The following GPR141 variants were observed in gnomAD, a reference collection of about 807,000 sequenced individuals.
GPR141 encodes the protein probable G protein-coupled receptor 141.
A neutral mutation model predicts 6.8 loss-of-function variants in GPR141; 6 were observed. That is an observed-to-expected ratio of 0.88 (90% CI 0.48 to 1.74). The LOEUF (loss-of-function observed/expected upper bound fraction) is 1.74, where lower values mean the gene tolerates loss of function less well. Among genes scored for constraint, GPR141 ranks in the 40% most tolerant of loss-of-function variants. The probability of loss-of-function intolerance (pLI) is 0.01; values close to 1 mark genes in which losing one functional copy is unlikely to be tolerated. For synonymous variants in GPR141, 140 were observed against 142.3 expected, an observed-to-expected ratio of 0.98 and a Z score of 0.11; for missense variants, 372 against 372.9, an observed-to-expected ratio of 1.00 and a Z score of 0.02.
At chr7:37,729,665 G>A (rs1811820197) in intron 2 of GPR141, among the ~76,000 whole-genome samples, 1 of 152,218 alleles carries the variant, frequency 6.6e-6, no homozygotes, top group African/African-American at 2.4e-5. Flanking sequence ...AGCTGAGAAT[G>A]TCCCGGGGGC....
intron 2 of GPR141, among the ~76,000 whole-genome samples, chr7:37,717,159 C>G (rs1811088629): frequency 6.6e-6 from 1 of 152,192 alleles, no homozygotes; most frequent in African/African-American, 2.4e-5. Flanking sequence ...TGAAAATTTG[C>G]TTCATTTCCT....
At chr7:37,714,697 A>G (rs1446845727) in intron 2 of GPR141, among the ~76,000 whole-genome samples, 1 of 152,210 alleles carries the variant, frequency 6.6e-6, no homozygotes, top group Non-Finnish European at 1.5e-5. Flanking sequence ...TTTCCAATGA[A>G]TATGTTTTAC....
At position 37,743,558 on chromosome 7, in the gene GPR141, A is replaced by T. The variant is rs952196187; in HGVS notation, c.*2247A>T. On this transcript the variant is annotated 3_prime_UTR_variant, in exon 3 of 3. Transcript: ENST00000334425. ...ATAATACCTATAAATATGTAAAAAA[A>T]ATTTAGAAAAATATTTAAATTAAAA... 2.6e-5 allele frequency among the ~76,000 whole-genome samples: 4 copies of T among 151,932 alleles called. No individual in the cohort carries two copies. Among genetic ancestry groups the T allele is most frequent in the Non-Finnish European group, 5.9e-5 (4 of 67,964 alleles).
intron 2 of GPR141, among the ~76,000 whole-genome samples, chr7:37,734,576 A>G (rs897679380): frequency 6.6e-6 from 1 of 152,228 alleles, no homozygotes; most frequent in African/African-American, 2.4e-5. Context: ...ACCAGCACCC[A>G]TTAACCCAAG....
chr7:37,706,444 A>T (rs1319297000), intron 2 of GPR141, among the ~76,000 whole-genome samples: 1 of 152,198 alleles, frequency 6.6e-6, no homozygotes, highest in Non-Finnish European at 1.5e-5. Flanking sequence ...TTCAAGAAGA[A>T]GGCTTGAGGT....
At chr7:37,707,170 A>G (rs1810565273) in intron 2 of GPR141, among the ~76,000 whole-genome samples, 1 of 152,186 alleles carries the variant, frequency 6.6e-6, no homozygotes, top group Non-Finnish European at 1.5e-5. Flanking sequence ...CGTCTACATA[A>G]TAATAGAATG....
intron 2 of GPR141, among the ~76,000 whole-genome samples, chr7:37,686,968 G>A (rs1404185713): frequency 2.6e-5 from 4 of 152,092 alleles, no homozygotes; most frequent in African/African-American, 7.2e-5. Flanking sequence ...TGAGCCCCTC[G>A]TGTCCTGAGA....
intron 2 of GPR141, among the ~76,000 whole-genome samples, chr7:37,723,712 T>A (rs1811470638): frequency 2.0e-5 from 3 of 152,214 alleles, no homozygotes; most frequent in Non-Finnish European, 4.4e-5. Flanking sequence ...GACATGTTTC[T>A]CTGTCTTTTG....
At chr7:37,702,504 C>T (rs12673317) in intron 2 of GPR141, among the ~76,000 whole-genome samples, 20,986 of 151,716 alleles carry the variant, frequency 0.14, 1,773 homozygotes, top group South Asian at 0.26. Context: ...TACAAATTTT[C>T]ACATTAGTTT....
intron 2 of GPR141, among the ~76,000 whole-genome samples, chr7:37,692,018 T>C (rs1386509608): frequency 6.6e-6 from 1 of 152,220 alleles, no homozygotes; most frequent in East Asian, 1.9e-4. Flanking sequence ...TTATTACACT[T>C]TAAGTTCTGT....
intron 2 of GPR141, chr7:37,713,255 A>G (rs1326706134): frequency 6.6e-6 from 1 of 152,254 alleles, no homozygotes; most frequent in Non-Finnish European, 1.5e-5. Flanking sequence ...TGTGTTATCA[A>G]TTAAGTGAAA....
chr7:37,710,438 A>G (rs1375551476), intron 2 of GPR141, among the ~76,000 whole-genome samples: 2 of 152,190 alleles, frequency 1.3e-5, no homozygotes, highest in Non-Finnish European at 2.9e-5. Context: ...ATGTAATATC[A>G]TTTATCCATA....
chr7:37,703,864 T>G (rs188627001), intron 2 of GPR141, among the ~76,000 whole-genome samples: 2 of 152,196 alleles, frequency 1.3e-5, no homozygotes, highest in Non-Finnish European at 2.9e-5. Context: ...TCTGGTTCTA[T>G]TAGTATATTT....
At chr7:37,699,655 G>C (rs1268469104) in intron 2 of GPR141, among the ~76,000 whole-genome samples, 2 of 152,156 alleles carry the variant, frequency 1.3e-5, no homozygotes, top group Non-Finnish European at 2.9e-5. Context: ...TTTGGCTATA[G>C]TTTGCAAACT....
At chr7:37,702,909 TAAATC>T (rs1326871492) in intron 2 of GPR141, among the ~76,000 whole-genome samples, 7 of 151,598 alleles carry the variant, frequency 4.6e-5, no homozygotes, top group African/African-American at 1.4e-4. Flanking sequence ...TTTAAACTGA[TAAATC>T]AGATATTGTT....
chr7:37,704,373 G>A (rs1333551158), intron 2 of GPR141, among the ~76,000 whole-genome samples: 1 of 152,116 alleles, frequency 6.6e-6, no homozygotes, highest in Non-Finnish European at 1.5e-5. Flanking sequence ...AGTTCCGCAT[G>A]GCTGGGGAGG....
intron 2 of GPR141, among the ~76,000 whole-genome samples, chr7:37,733,823 A>C (rs766469640): frequency 6.6e-6 from 1 of 152,242 alleles, no homozygotes; most frequent in Non-Finnish European, 1.5e-5. Flanking sequence ...GGTGATGTTT[A>C]AAATATTCCT....
At chr7:37,686,913 G>T (rs1809538931) in intron 2 of GPR141, among the ~76,000 whole-genome samples, 1 of 152,164 alleles carries the variant, frequency 6.6e-6, no homozygotes, top group Admixed American at 6.5e-5. Context: ...GATGGCGTGA[G>T]TGGAGAGTGA....
intron 2 of GPR141, among the ~76,000 whole-genome samples, chr7:37,716,702 G>A (rs1021254879): frequency 1.3e-5 from 2 of 152,226 alleles, no homozygotes; most frequent in Non-Finnish European, 2.9e-5. Flanking sequence ...TCTTTGTTGA[G>A]TTAGCTGTTT....
Sources: allele counts gnomAD v4.1 joint callset (sites outside exome capture counted in the v4.1 genomes callset), GRCh38; gene constraint gnomAD v4.1.1; transcripts MANE v1.5; gene names NCBI Gene and HGNC (gene_info 2026-07-23, HGNC 2026-07-21).